Variants in EYS observed in about 807,000 individuals in gnomAD.
EYS encodes protein eyes shut homolog.
Under a neutral mutation model 282.1 loss-of-function variants are expected in EYS, and 250 were observed. That is an observed-to-expected ratio of 0.89 (90% CI 0.80 to 0.98). EYS has a LOEUF of 0.98. Among genes scored for constraint, EYS ranks in the 50% least tolerant of loss-of-function variants. The probability of loss-of-function intolerance (pLI) is 0.00; values close to 1 mark genes in which losing one functional copy is unlikely to be tolerated. For missense variants in EYS, 4,016 were observed against 3,709.0 expected (o/e 1.08, Z -2.15); for synonymous variants, 1,355 against 1,282.9 (o/e 1.06, Z -1.20).
intron 12 of EYS, among the ~76,000 whole-genome samples, chr6:65,173,986 T>C (rs1461968041): frequency 6.6e-6 from 1 of 151,126 alleles, no homozygotes; most frequent in Non-Finnish European, 1.5e-5. Context: ...TTCTTAAAGA[T>C]AACATAAGGA....
At chr6:64,632,814 TA>T (rs1767834324) in intron 22 of EYS, among the ~76,000 whole-genome samples, 1 of 152,278 alleles carries the variant, frequency 6.6e-6, no homozygotes, top group Admixed American at 6.5e-5. Flanking sequence ...AGTTCAATAT[TA>T]TACTGCTTCT....
chr6:64,942,998 C>A (rs1769149427), intron 15 of EYS, among the ~76,000 whole-genome samples: 2 of 151,970 alleles, frequency 1.3e-5, no homozygotes, highest in Admixed American at 1.3e-4. Context: ...AATATGGCAG[C>A]ACATCAAAAA....
chr6:64,423,947 T>C (rs1774318493), intron 28 of EYS, among the ~76,000 whole-genome samples: 1 of 152,242 alleles, frequency 6.6e-6, no homozygotes, highest in African/African-American at 2.4e-5. Context: ...TTTTAAATGC[T>C]AACATTTCTT....
intron 13 of EYS, among the ~76,000 whole-genome samples, chr6:65,035,588 C>G (rs1405126881): frequency 6.6e-6 from 1 of 151,782 alleles, no homozygotes; most frequent in Non-Finnish European, 1.5e-5. Context: ...TTCACAATAG[C>G]CATACACAAA....
At position 65,004,303 on chromosome 6, in the gene EYS, G is replaced by C. The variant is rs567120711; in HGVS notation, c.2138-6600C>G. On this transcript the variant is annotated intron_variant, in intron 13 of 42. Coordinates refer to ENST00000503581, the MANE Select transcript of EYS (RefSeq NM_001142800.2). ...AATATAAATGAATTTGTCAGAAATT[G>C]GGGGTACTTAGTGAAGATAACTGAC... Among the ~76,000 whole-genome samples the C allele has an allele frequency of 8.8e-5, 13 of 147,710 alleles. 2 individuals are homozygous for C. In the South Asian group the frequency reaches 2.8e-3, roughly 32 times the overall value.
At chr6:65,050,334 A>T (rs1773233360) in intron 13 of EYS, among the ~76,000 whole-genome samples, 1 of 151,640 alleles carries the variant, frequency 6.6e-6, no homozygotes, top group African/African-American at 2.4e-5. Context: ...TATTTGCTCC[A>T]TATTTACTGT....
intron 39 of EYS, among the ~76,000 whole-genome samples, chr6:63,783,019 CTCT>C (rs1159916658): frequency 2.0e-5 from 3 of 150,442 alleles, no homozygotes; most frequent in Non-Finnish European, 4.4e-5. Flanking sequence ...CCCATATGGG[CTCT>C]TCTTTGAAGA....
intron 31 of EYS, among the ~76,000 whole-genome samples, chr6:64,099,470 G>A (rs1190304912): frequency 1.3e-5 from 2 of 152,174 alleles, no homozygotes; most frequent in African/African-American, 4.8e-5. Context: ...TACCTTCACA[G>A]TCTTGTCTCA....
At chr6:64,408,022 C>T (rs1204973478) in intron 28 of EYS, among the ~76,000 whole-genome samples, 2 of 152,066 alleles carry the variant, frequency 1.3e-5, no homozygotes, top group East Asian at 3.9e-4. Context: ...CCACGGCGTC[C>T]AGCCGCACAC....
intron 22 of EYS, among the ~76,000 whole-genome samples, chr6:64,662,327 T>C (rs1769062013): frequency 6.6e-6 from 1 of 152,028 alleles, no homozygotes; most frequent in Admixed American, 6.6e-5. Context: ...GGCAGATGTA[T>C]ACATATGTAA....
chr6:64,743,419 A>C (rs1478674784), intron 22 of EYS, among the ~76,000 whole-genome samples: 1 of 152,154 alleles, frequency 6.6e-6, no homozygotes, highest in African/African-American at 2.4e-5. Flanking sequence ...AAACTTCCAT[A>C]TAAATTTTAT....
chr6:65,623,520 T>A (rs1766594556), intron 2 of EYS, among the ~76,000 whole-genome samples: 1 of 152,134 alleles, frequency 6.6e-6, no homozygotes, highest in Non-Finnish European at 1.5e-5. Flanking sequence ...ATAATTTTTA[T>A]GAATTTACAC....
chr6:65,538,853 C>T (rs1471522594), intron 2 of EYS, among the ~76,000 whole-genome samples: 1 of 152,306 alleles, frequency 6.6e-6, no homozygotes, highest in East Asian at 1.9e-4. Context: ...CCTTCACTCA[C>T]TGCATTCCAG....
At position 65,058,795 on chromosome 6, in the gene EYS, G is replaced by C. The variant is rs1773488509; in HGVS notation, c.2024-1068C>G. ...ACAGTTGAAAATCATAGCCTCAACT[G>C]ACACTGAATTGATTTTTATCACTTA... On this transcript the variant is annotated intron_variant, in intron 12 of 42. Transcript: ENST00000503581. Among the ~76,000 whole-genome samples, 2 of 139,742 alleles carry C rather than the reference G, an allele frequency of 1.4e-5. 1 individual carries two copies. The highest frequency in any genetic ancestry group is 3.3e-5 in the Non-Finnish European group (2 of 60,770). 91.7% of individuals were successfully genotyped at this position (139,742 alleles called of 152,430 possible). A position where few individuals can be genotyped will look rare whatever the true frequency, so the allele number is the denominator to read the frequency against.
chr6:64,016,817 G>A (rs531720064), intron 33 of EYS, among the ~76,000 whole-genome samples: 26 of 152,038 alleles, frequency 1.7e-4, no homozygotes, highest in South Asian at 8.3e-4. Context: ...TTTCTTATTC[G>A]TCTCTTGTTA....
intron 22 of EYS, among the ~76,000 whole-genome samples, chr6:64,653,881 A>G (rs565161704): frequency 6.6e-5 from 10 of 152,188 alleles, no homozygotes; most frequent in Non-Finnish European, 1.3e-4. Context: ...AAATTTTTGA[A>G]GTTTTCATAA....
chr6:64,067,006 AAG>A (rs929207536), intron 32 of EYS, among the ~76,000 whole-genome samples: 39 of 152,204 alleles, frequency 2.6e-4, no homozygotes, highest in Middle Eastern at 3.4e-3. Flanking sequence ...ATATAGAGAA[AAG>A]AGATAAATAT....
chr6:64,046,626 G>A (rs1026836862), intron 33 of EYS, among the ~76,000 whole-genome samples: 27 of 152,094 alleles, frequency 1.8e-4, no homozygotes, highest in African/African-American at 6.0e-4. Flanking sequence ...CCTGGTAGGG[G>A]AATAGTATTT....
At chr6:65,508,515 A>G (rs565034316) in intron 2 of EYS, among the ~76,000 whole-genome samples, 1 of 151,894 alleles carries the variant, frequency 6.6e-6, no homozygotes, top group Non-Finnish European at 1.5e-5. Flanking sequence ...CTACTAAAAA[A>G]TATAAAAAAT....
Sources: gnomAD v4.1 joint callset for allele counts (sites outside exome capture counted in the v4.1 genomes callset) on GRCh38, gnomAD v4.1.1 for gene constraint, MANE v1.5 for transcripts, NCBI Gene and HGNC (gene_info 2026-07-23, HGNC 2026-07-21) for gene names.